The following ZNF385B variants were observed in gnomAD, a reference collection of about 807,000 sequenced individuals.
ZNF385B encodes the protein zinc finger protein 533.
A neutral mutation model predicts 39.2 loss-of-function variants in ZNF385B; 23 were observed. The ratio of observed to expected loss-of-function variants is 0.59; its 90% CI spans 0.42 to 0.83. ZNF385B has a LOEUF of 0.83. Ranked by LOEUF, ZNF385B falls within the 40% of genes least tolerant of loss-of-function variation. ZNF385B has a pLI of 0.00. For missense variants in ZNF385B, 552 were observed against 598.9 expected (o/e 0.92, Z 0.82); for synonymous variants, 205 against 222.6 (o/e 0.92, Z 0.70).
At chr2:179,671,130 A>G (rs1054009624) in intron 3 of ZNF385B, among the ~76,000 whole-genome samples, 3 of 152,252 alleles carry the variant, frequency 2.0e-5, no homozygotes, top group African/African-American at 7.2e-5. Context: ...CTTCAAGTAT[A>G]AAAACTTTGT....
chr2:179,477,580 G>T (rs774275929), intron 6 of ZNF385B, among the ~76,000 whole-genome samples: 1 of 152,182 alleles, frequency 6.6e-6, no homozygotes, highest in African/African-American at 2.4e-5. Context: ...TGAAAATGGG[G>T]AGCGTGTTCA....
chr2:179,527,869 T>G (rs1159894816), intron 4 of ZNF385B, among the ~76,000 whole-genome samples: 1 of 152,194 alleles, frequency 6.6e-6, no homozygotes. Flanking sequence ...ACATTCTAGT[T>G]GGGAAGACCC....
chr2:179,614,931 C>T (rs891192347), intron 3 of ZNF385B, among the ~76,000 whole-genome samples: 1 of 152,188 alleles, frequency 6.6e-6, no homozygotes, highest in Non-Finnish European at 1.5e-5. Context: ...CATCAACATC[C>T]TCCTCTGGTA....
chr2:179,736,942 C>T (rs540927512), intron 3 of ZNF385B, among the ~76,000 whole-genome samples: 3 of 152,308 alleles, frequency 2.0e-5, no homozygotes, highest in African/African-American at 7.2e-5. Context: ...TGCACTCCAG[C>T]CTGGCGACAG....
intron 1 of ZNF385B, among the ~76,000 whole-genome samples, chr2:179,813,283 A>T (rs1019253595): frequency 4.6e-5 from 7 of 152,194 alleles, no homozygotes; most frequent in Non-Finnish European, 8.8e-5. Flanking sequence ...TCTGTCCCCA[A>T]TGTATTAAAT....
chr2:179,810,620 C>G (rs892122635), intron 1 of ZNF385B, among the ~76,000 whole-genome samples: 5 of 151,882 alleles, frequency 3.3e-5, no homozygotes, highest in Admixed American at 2.0e-4. Context: ...TTTCCAATCA[C>G]TACAAAATAT....
chr2:179,499,403 C>T (rs1366373005), intron 5 of ZNF385B, among the ~76,000 whole-genome samples: 1 of 151,920 alleles, frequency 6.6e-6, no homozygotes, highest in Non-Finnish European at 1.5e-5. Flanking sequence ...CAATAAAATA[C>T]TAGGAAATTG....
At position 179,534,008 on chromosome 2, in the gene ZNF385B, ATAT is replaced by A. The variant is rs764844487; in HGVS notation, c.441+10816_441+10818del. Among the ~76,000 whole-genome samples, 59 of 152,164 alleles carry A rather than the reference ATAT, an allele frequency of 3.9e-4. 1 individual carries two copies. Among genetic ancestry groups the A allele is most frequent in the Non-Finnish European group, 7.9e-4 (54 of 68,022 alleles). On this transcript the variant is annotated intron_variant, in intron 4 of 9. Coordinates refer to ENST00000410066, the MANE Select transcript of ZNF385B (RefSeq NM_152520.6). Reference sequence around the variant, plus strand: ...TGCTTATTCCCAACCTCCACTTAATATATTCTCTTCCAATCCCTGCTCCAAATT... The same window carrying A: ...TGCTTATTCCCAACCTCCACTTAATATCTCTTCCAATCCCTGCTCCAAATT...
chr2:179,708,212 G>A (rs960464448), intron 3 of ZNF385B, among the ~76,000 whole-genome samples: 1 of 152,192 alleles, frequency 6.6e-6, no homozygotes, highest in Non-Finnish European at 1.5e-5. Context: ...GGAGGTGATT[G>A]GATCACAGGG....
chr2:179,630,669 A>C (rs543261688), intron 3 of ZNF385B, among the ~76,000 whole-genome samples: 1 of 152,208 alleles, frequency 6.6e-6, no homozygotes, highest in Admixed American at 6.5e-5. Flanking sequence ...ACAGAAAAAG[A>C]CTTTCATGAA....
intron 5 of ZNF385B, among the ~76,000 whole-genome samples, chr2:179,506,036 G>A (rs62177239): frequency 1.3e-5 from 2 of 151,998 alleles, no homozygotes; most frequent in African/African-American, 2.4e-5. Flanking sequence ...CTACATGGAA[G>A]TTAATACAGA....
intron 3 of ZNF385B, among the ~76,000 whole-genome samples, chr2:179,649,238 C>A (rs1188255847): frequency 6.6e-6 from 1 of 152,102 alleles, no homozygotes; most frequent in Admixed American, 6.6e-5. Context: ...AGGAATTTTC[C>A]AGACTAAAGA....
chr2:179,789,807 A>G (rs960377552), intron 1 of ZNF385B, among the ~76,000 whole-genome samples: 2 of 152,150 alleles, frequency 1.3e-5, no homozygotes, highest in Non-Finnish European at 2.9e-5. Context: ...ACTCGTGCCA[A>G]ACATAAGAGA....
intron 3 of ZNF385B, among the ~76,000 whole-genome samples, chr2:179,568,527 A>G (rs1684854114): frequency 6.6e-6 from 1 of 152,238 alleles, no homozygotes; most frequent in African/African-American, 2.4e-5. Flanking sequence ...AATAGTTTCA[A>G]GGACTTCTCA....
intron 3 of ZNF385B, among the ~76,000 whole-genome samples, chr2:179,625,722 A>C (rs3112966): frequency 0.38 from 58,137 of 151,910 alleles, 11,318 homozygotes; most frequent in African/African-American, 0.46. Flanking sequence ...GTACAAGGAA[A>C]ACGATATCAT....
intron 3 of ZNF385B, among the ~76,000 whole-genome samples, chr2:179,733,822 A>G (rs1362207533): frequency 6.6e-6 from 1 of 150,968 alleles, no homozygotes; most frequent in Non-Finnish European, 1.5e-5. Flanking sequence ...TATAATAGTT[A>G]AATATAAGTC....
chr2:179,766,065 C>CACACACACACACAG (rs1390356107), intron 3 of ZNF385B, among the ~76,000 whole-genome samples: 4 of 150,824 alleles, frequency 2.7e-5, no homozygotes, highest in African/African-American at 4.9e-5. Flanking sequence ...CACACACACA[C>CACACACACACACAG]AGCAGACTGG....
At chr2:179,784,260 AGAT>A (rs1454977550) in intron 1 of ZNF385B, among the ~76,000 whole-genome samples, 1 of 151,974 alleles carries the variant, frequency 6.6e-6, no homozygotes, top group Non-Finnish European at 1.5e-5. Context: ...CTTATAAGTG[AGAT>A]GATAAGAACT....
intron 1 of ZNF385B, among the ~76,000 whole-genome samples, chr2:179,787,904 C>G (rs1705098795): frequency 6.6e-6 from 1 of 152,180 alleles, no homozygotes; most frequent in African/African-American, 2.4e-5. Flanking sequence ...TTGTGAAACA[C>G]AGCAACTATC....
Sources: gnomAD v4.1 joint callset for allele counts (sites outside exome capture counted in the v4.1 genomes callset) on GRCh38, gnomAD v4.1.1 for gene constraint, MANE v1.5 for transcripts, NCBI Gene and HGNC (gene_info 2026-07-23, HGNC 2026-07-21) for gene names.